GSAP: variants seen among roughly 807,000 people sequenced by gnomAD.
The protein encoded by GSAP is gamma-secretase-activating protein.
A neutral mutation model predicts 131.7 loss-of-function variants in GSAP; 118 were observed. The ratio of observed to expected loss-of-function variants is 0.90; its 90% CI spans 0.77 to 1.04. The LOEUF (loss-of-function observed/expected upper bound fraction) is 1.04. Ranked by LOEUF, GSAP falls within the 50% of genes least tolerant of loss-of-function variation. The pLI, the probability that GSAP is intolerant of heterozygous loss-of-function variation, is 0.00. For missense variants in GSAP, 1,019 were observed against 1,013.2 expected, an observed-to-expected ratio of 1.01 and a Z score of -0.08; for synonymous variants, 381 against 363.4, an observed-to-expected ratio of 1.05 and a Z score of -0.55.
chr7:77,375,115 C>G lies in GSAP; in HGVS notation c.742-14G>C, dbSNP rs1796662420. The stretch of plus-strand genomic sequence containing the variant: ...GGGTACTTCAAACTGTCAAAAAAAT[C>G]AAAGAAAATGAACCCAAAATGACAG... On this transcript the variant is annotated splice_polypyrimidine_tract_variant and intron_variant, in intron 10 of 30. Coordinates refer to ENST00000257626, the MANE Select transcript of GSAP (RefSeq NM_017439.4). 6.5e-7 allele frequency: 1 copy of G among 1,534,964 alleles called. No individual in the cohort carries two copies. The highest frequency in any genetic ancestry group is 9.0e-7 in the Non-Finnish European group (1 of 1,117,174).
At chr7:77,318,006 G>T (rs779483901) in intron 26 of GSAP, among the ~76,000 whole-genome samples, 7 of 152,120 alleles carry the variant, frequency 4.6e-5, no homozygotes, top group Non-Finnish European at 7.4e-5. Context: ...ATTCCAAACC[G>T]TATCAGATGT....
chr7:77,311,715 C>T lies in GSAP; in HGVS notation c.2473+126G>A, dbSNP rs73703322. 9,672 of 611,650 alleles carry T rather than the reference C, an allele frequency of 0.016. 737 individuals carry two copies. In the African/African-American group the frequency reaches 0.16, roughly 10 times the overall value. 37.9% of individuals were successfully genotyped at this position (611,650 alleles called of 1,614,324 possible). On this transcript the variant is annotated intron_variant, in intron 30 of 30. Coordinates refer to ENST00000257626, the MANE Select transcript of GSAP (RefSeq NM_017439.4). The stretch of plus-strand genomic sequence containing the variant: ...GTAAATTTGGTACTGCTAATGTAAA[C>T]CAATTGCTATAAGGGTCTACTTGTA...
chr7:77,376,953 G>C, intron 9 of GSAP, 46 bp from the exon 10 acceptor site: 1 of 1,076,430 alleles, frequency 9.3e-7, no homozygotes, highest in Non-Finnish European at 1.4e-6. Context: ...AGGAAAAAAA[G>C]AAAAGGAAGC....
intron 11 of GSAP, among the ~76,000 whole-genome samples, chr7:77,374,541 G>GATGGCCTT (rs2150993214): frequency 6.6e-6 from 1 of 151,714 alleles, no homozygotes; most frequent in Non-Finnish European, 1.5e-5. Context: ...TCTACATATT[G>GATGGCCTT]ATGGCCTTAT....
At chr7:77,344,523 G>A (rs111404869) in intron 19 of GSAP, among the ~76,000 whole-genome samples, 12,340 of 152,032 alleles carry the variant, frequency 0.081, 720 homozygotes, top group Non-Finnish European at 0.11. Flanking sequence ...CTTGTCATCC[G>A]TACTATCTTC....
At chr7:77,360,775 C>T (rs764600028) in intron 14 of GSAP, 49 bp downstream of exon 14, 3 of 963,040 alleles carry the variant, frequency 3.1e-6, no homozygotes, top group South Asian at 1.3e-5. Flanking sequence ...GTATACCATG[C>T]CTAGGAACAA....
At chr7:77,319,297 T>C (rs1005088302) in intron 26 of GSAP, among the ~76,000 whole-genome samples, 1 of 152,224 alleles carries the variant, frequency 6.6e-6, no homozygotes, top group Admixed American at 6.5e-5. Flanking sequence ...TGTGAAAATA[T>C]GCTCGACATC....
chr7:77,356,939 A>C, intron 14 of GSAP, among the ~76,000 whole-genome samples: 1 of 152,360 alleles, frequency 6.6e-6, no homozygotes, highest in South Asian at 2.1e-4. Flanking sequence ...AAATGATGCT[A>C]AAGTGCTTAG....
At chr7:77,332,876 T>A (rs933369053) in intron 19 of GSAP, among the ~76,000 whole-genome samples, 8 of 152,154 alleles carry the variant, frequency 5.3e-5, no homozygotes, top group African/African-American at 1.7e-4. Flanking sequence ...GTGATCTAAC[T>A]TTTTTCAGTT....
intron 8 of GSAP, among the ~76,000 whole-genome samples, chr7:77,379,576 CCT>C (rs923275900): frequency 3.4e-4 from 52 of 151,752 alleles, no homozygotes; most frequent in Admixed American, 4.6e-4. Context: ...TGTCTGTCTG[CCT>C]CTCTCTCTCT....
At chr7:77,378,122 C>T (rs190358258) in intron 8 of GSAP, among the ~76,000 whole-genome samples, 5 of 152,286 alleles carry the variant, frequency 3.3e-5, no homozygotes, top group Non-Finnish European at 5.9e-5. Context: ...TTCTACAACA[C>T]GTTTCTATTA....
Position 77,328,593 on chromosome 7 carries a change from GA to G in GSAP, c.1765+12del. 1 of 1,610,162 alleles carries G rather than the reference GA, an allele frequency of 6.2e-7. No homozygotes were observed. Among genetic ancestry groups the G allele is most frequent in the South Asian group, 1.1e-5 (1 of 90,236 alleles). On this transcript the variant is annotated intron_variant, in intron 22 of 30. Coordinates refer to ENST00000257626, the MANE Select transcript of GSAP (RefSeq NM_017439.4). ...CTGGAACCCAGAAGGCTTTATTACA[GA>G]TCTTTTCTTACCCAAATTTCTTGCT...
chr7:77,352,987 A>T lies in GSAP; in HGVS notation c.1448T>A (p.Met483Lys). 6.8e-6 allele frequency: 11 copies of T among 1,608,404 alleles called. No individual in the cohort carries two copies. The highest frequency in any genetic ancestry group is 9.4e-6 in the Non-Finnish European group (11 of 1,174,956). The change falls in exon 18 of 31, where the codon ATG becomes AAG. Residue 483 changes from methionine to lysine, a missense_variant. Transcript: ENST00000257626. ...YWSVYSETSN[M>K]DKLLPHSSVL... ...TGAGGAATGTGGCAATAGTTTGTCC[A>T]TGTTACTTGTCTCTGAATATACACT...
At chr7:77,372,582 A>C (rs1160137791) in intron 12 of GSAP, among the ~76,000 whole-genome samples, 1 of 152,166 alleles carries the variant, frequency 6.6e-6, no homozygotes, top group Non-Finnish European at 1.5e-5. Flanking sequence ...TTTTGAATGG[A>C]CTTGGTCAAA....
chr7:77,406,794 C>T (rs549375651), intron 1 of GSAP, among the ~76,000 whole-genome samples: 20 of 152,222 alleles, frequency 1.3e-4, no homozygotes, highest in African/African-American at 4.3e-4. Flanking sequence ...TGCAGGATCA[C>T]GGATACAGGA....
At chr7:77,403,388 C>T (rs982008664) in intron 3 of GSAP, among the ~76,000 whole-genome samples, 3 of 152,094 alleles carry the variant, frequency 2.0e-5, no homozygotes, top group Non-Finnish European at 4.4e-5. Context: ...CGTATTGGAA[C>T]CCTGAAGAGT....
intron 19 of GSAP, among the ~76,000 whole-genome samples, chr7:77,347,593 A>T (rs1435236182): frequency 6.6e-6 from 1 of 152,204 alleles, no homozygotes; most frequent in Non-Finnish European, 1.5e-5. Flanking sequence ...AAATAATAAA[A>T]AGAAAAAGAC....
At chr7:77,317,924 A>G (rs79908600) in intron 26 of GSAP, among the ~76,000 whole-genome samples, 13,871 of 152,222 alleles carry the variant, frequency 0.091, 779 homozygotes, top group Non-Finnish European at 0.11. Flanking sequence ...TTCCCCTCAC[A>G]AATGGTCCCT....
chr7:77,412,402 T>A (rs1803441575), intron 1 of GSAP, among the ~76,000 whole-genome samples: 1 of 152,036 alleles, frequency 6.6e-6, no homozygotes, highest in South Asian at 2.1e-4. Flanking sequence ...GAAAAAGTCA[T>A]AAAGCTTCCA....
Sources: allele counts gnomAD v4.1 joint callset (sites outside exome capture counted in the v4.1 genomes callset), GRCh38; gene constraint gnomAD v4.1.1; transcripts MANE v1.5; gene names NCBI Gene and HGNC (gene_info 2026-07-23, HGNC 2026-07-21).